The following NEO1 variants were observed in gnomAD, a reference collection of about 807,000 sequenced individuals.
NEO1 encodes the protein neogenin.
A neutral mutation model predicts 159.7 loss-of-function variants in NEO1; 63 were observed. That is an observed-to-expected ratio of 0.39 (90% confidence interval 0.32 to 0.49). The LOEUF (loss-of-function observed/expected upper bound fraction) is 0.49, where lower values mean the gene tolerates loss of function less well. Among genes scored for constraint, NEO1 ranks in the 20% least tolerant of loss-of-function variants. The pLI, the probability that NEO1 is intolerant of heterozygous loss-of-function variation, is 0.85. For synonymous variants in NEO1, 633 were observed against 662.0 expected (o/e 0.96, Z 0.67); for missense variants, 1,615 against 1,831.0 (o/e 0.88, Z 2.15).
At position 73,088,124 on chromosome 15, in the gene NEO1, G is replaced by A. The variant is rs116257183; in HGVS notation, c.131-28416G>A. Among the ~76,000 whole-genome samples, 753 of 151,824 alleles carry A rather than the reference G, an allele frequency of 5.0e-3. 7 individuals are homozygous for A. The highest frequency in any genetic ancestry group is 0.017 in the African/African-American group (711 of 41,440). On this transcript the variant is annotated intron_variant, in intron 1 of 28. Transcript: ENST00000261908. Reference sequence around the variant, plus strand: ...ATGTTTATATCTTCAGATATGTAAAGACATATAAAATATATAGTAATATAT... The same window carrying A: ...ATGTTTATATCTTCAGATATGTAAAAACATATAAAATATATAGTAATATAT...
At chr15:73,185,484 ACT>A (rs1464064818) in intron 7 of NEO1, among the ~76,000 whole-genome samples, 2 of 152,146 alleles carry the variant, frequency 1.3e-5, no homozygotes, top group Non-Finnish European at 2.9e-5. Flanking sequence ...ACACCATCAA[ACT>A]CTCACAAGGA....
chr15:73,200,312 C>T (rs1006356716), intron 7 of NEO1, among the ~76,000 whole-genome samples: 1 of 151,914 alleles, frequency 6.6e-6, no homozygotes, highest in Non-Finnish European at 1.5e-5. Context: ...CCAGAGTGGT[C>T]GCTTACACCT....
intron 5 of NEO1, among the ~76,000 whole-genome samples, chr15:73,171,938 G>A (rs2035000968): frequency 6.6e-6 from 1 of 152,032 alleles, no homozygotes; most frequent in Non-Finnish European, 1.5e-5. Context: ...ACCATGCCCG[G>A]CCAATAAATT....
chr15:73,090,603 T>A (rs2069633097), intron 1 of NEO1, among the ~76,000 whole-genome samples: 1 of 152,206 alleles, frequency 6.6e-6, no homozygotes, highest in African/African-American at 2.4e-5. Context: ...CCAGAGAGCA[T>A]TAATAAACAA....
At chr15:73,177,329 A>C (rs899452358) in intron 6 of NEO1, among the ~76,000 whole-genome samples, 2 of 152,198 alleles carry the variant, frequency 1.3e-5, no homozygotes, top group Non-Finnish European at 2.9e-5. Context: ...TATAGTTGTT[A>C]AAGACATAAT....
chr15:73,168,546 A>G (rs2034741303), intron 5 of NEO1, among the ~76,000 whole-genome samples: 1 of 152,042 alleles, frequency 6.6e-6, no homozygotes, highest in Non-Finnish European at 1.5e-5. Context: ...TGTTAGCTAA[A>G]TTGAGGGCTA....
At chr15:73,206,848 C>CGTGTGTGTGTGTGTGT (rs938536165) in intron 7 of NEO1, among the ~76,000 whole-genome samples, 3 of 136,306 alleles carry the variant, frequency 2.2e-5, no homozygotes, top group African/African-American at 8.1e-5. Context: ...TGTGTGTGTG[C>CGTGTGTGTGTGTGTGT]GTGTGTGTGT....
chr15:73,069,442 T>G (rs1378576925), intron 1 of NEO1, among the ~76,000 whole-genome samples: 1 of 151,672 alleles, frequency 6.6e-6, no homozygotes, highest in Non-Finnish European at 1.5e-5. Context: ...AGAGAAACAG[T>G]GTTTGATCAA....
At chr15:73,282,311 G>A (rs567311522) in intron 22 of NEO1, among the ~76,000 whole-genome samples, 20 of 151,802 alleles carry the variant, frequency 1.3e-4, no homozygotes, top group Non-Finnish European at 2.8e-4. Flanking sequence ...CCATTCCCCC[G>A]CCAAACGTTC....
chr15:73,197,865 G>C (rs2036626972), intron 7 of NEO1, among the ~76,000 whole-genome samples: 1 of 151,820 alleles, frequency 6.6e-6, no homozygotes, highest in African/African-American at 2.4e-5. Flanking sequence ...ATTTTTAGTA[G>C]ACACAGGGTT....
chr15:73,121,220 C>T (rs1300694015), intron 2 of NEO1, among the ~76,000 whole-genome samples: 2 of 152,168 alleles, frequency 1.3e-5, no homozygotes, highest in Non-Finnish European at 2.9e-5. Context: ...CCCGCCTGTC[C>T]TCCTCCCACA....
At chr15:73,136,318 C>T (rs938825111) in intron 5 of NEO1, among the ~76,000 whole-genome samples, 1 of 152,036 alleles carries the variant, frequency 6.6e-6, no homozygotes, top group African/African-American at 2.4e-5. Flanking sequence ...ACTTATAAAA[C>T]CCCTGGAATA....
chr15:73,256,734 A>G (rs1234592762), intron 13 of NEO1, among the ~76,000 whole-genome samples: 2 of 152,108 alleles, frequency 1.3e-5, no homozygotes, highest in East Asian at 3.9e-4. Context: ...AGTCCATATC[A>G]TGACTGCAGT....
chr15:73,284,337 G>T (rs2041854377), intron 23 of NEO1, among the ~76,000 whole-genome samples: 2 of 152,218 alleles, frequency 1.3e-5, no homozygotes, highest in Non-Finnish European at 1.5e-5. Context: ...CCCAAGGCAA[G>T]AATGCATGTA....
chr15:73,148,817 C>T (rs906877011), intron 5 of NEO1, among the ~76,000 whole-genome samples: 1 of 150,916 alleles, frequency 6.6e-6, no homozygotes, highest in East Asian at 1.9e-4. Context: ...CCAGAGAAGT[C>T]TCTTAGGTTG....
At chr15:73,279,561 C>G (rs1284010939) in intron 22 of NEO1, among the ~76,000 whole-genome samples, 1 of 151,888 alleles carries the variant, frequency 6.6e-6, no homozygotes, top group Non-Finnish European at 1.5e-5. Flanking sequence ...GTTGGCCAGA[C>G]TAGTCTTGAT....
chr15:73,089,603 T>C (rs2069564106), intron 1 of NEO1, among the ~76,000 whole-genome samples: 1 of 132,400 alleles, frequency 7.6e-6, no homozygotes, highest in Non-Finnish European at 1.6e-5. Context: ...ACTTACACCA[T>C]TTTTTTTTTT....
chr15:73,091,554 ATTGTTTGTTTGT>A (rs202241571), intron 1 of NEO1, among the ~76,000 whole-genome samples: 1 of 151,436 alleles, frequency 6.6e-6, no homozygotes, highest in Non-Finnish European at 1.5e-5. Context: ...TGTTGTTGTT[ATTGTTTGTTTGT>A]TTGTTTGTTT....
chr15:73,304,707 C>G lies in NEO1; in HGVS notation c.*2011C>G, dbSNP rs1176754499. 2 of 152,078 alleles carry G rather than the reference C, an allele frequency of 1.3e-5. No individual in the cohort carries two copies. The highest frequency in any genetic ancestry group is 4.8e-5 in the African/African-American group (2 of 41,416). The allele number at this position is 152,078 out of a possible 1,614,324, so 9.4% of individuals were successfully genotyped here. The stretch of plus-strand genomic sequence containing the variant: ...CAGATTCCCCAGAAACTACCTTTTG[C>G]CCAAAGAACATGCTCAGTATTTGGG... On this transcript the variant is annotated 3_prime_UTR_variant, in exon 29 of 29. Coordinates refer to ENST00000261908, the MANE Select transcript of NEO1 (RefSeq NM_002499.4).
Sources: allele counts gnomAD v4.1 joint callset (sites outside exome capture counted in the v4.1 genomes callset), GRCh38; gene constraint gnomAD v4.1.1; transcripts MANE v1.5; gene names NCBI Gene and HGNC (gene_info 2026-07-23, HGNC 2026-07-21).